Variants in PLXNA4 observed in about 807,000 individuals in gnomAD.
PLXNA4 encodes the protein plexin A4, also known as plexin-A4.
In PLXNA4, 44 loss-of-function variants were observed where a neutral mutation model predicts 191.8. The ratio of observed to expected loss-of-function variants is 0.23; its 90% confidence interval spans 0.18 to 0.29. The LOEUF is 0.29. Among genes scored for constraint, PLXNA4 ranks in the 10% least tolerant of loss-of-function variants. The probability of loss-of-function intolerance (pLI) is 1.00; values close to 1 mark genes in which losing one functional copy is unlikely to be tolerated. For missense variants in PLXNA4, 1,800 were observed against 2,488.8 expected, an observed-to-expected ratio of 0.72 and a Z score of 5.89; for synonymous variants, 1,082 against 1,009.5, an observed-to-expected ratio of 1.07 and a Z score of -1.36.
chr7:132,621,247 T>TTTTTTTTTTTTTTGTTTTTTTG (rs1803256657), intron 2 of PLXNA4, among the ~76,000 whole-genome samples: 1 of 70,588 alleles, frequency 1.4e-5, no homozygotes, highest in African/African-American at 4.4e-5. Context: ...TTTTTTTTTG[T>TTTTTTTTTTTTTTGTTTTTTTG]TTTTTTTTTT....
intron 3 of PLXNA4, among the ~76,000 whole-genome samples, chr7:132,409,694 C>A (rs2341825): frequency 0.22 from 32,991 of 152,198 alleles, 7,596 homozygotes; most frequent in African/African-American, 0.57. Flanking sequence ...TCTTTCCCAC[C>A]GTTCAGAGAA....
chr7:132,453,090 A>G (rs991186185), intron 3 of PLXNA4, among the ~76,000 whole-genome samples: 2 of 152,190 alleles, frequency 1.3e-5, no homozygotes, highest in Non-Finnish European at 2.9e-5. Flanking sequence ...CCCCAAAATG[A>G]CAAGAGAAGT....
intron 1 of PLXNA4, among the ~76,000 whole-genome samples, chr7:132,510,788 C>A (rs940034535): frequency 6.6e-6 from 1 of 152,060 alleles, no homozygotes; most frequent in Non-Finnish European, 1.5e-5. Flanking sequence ...GTCTACATAG[C>A]AGAAGCATGG....
chr7:132,435,636 G>A (rs1158443787), intron 3 of PLXNA4, among the ~76,000 whole-genome samples: 5 of 152,186 alleles, frequency 3.3e-5, no homozygotes, highest in Non-Finnish European at 7.3e-5. Context: ...GGGGTTGTCT[G>A]TGGATGTTTG....
chr7:132,258,079 T>A (rs1319214287), intron 4 of PLXNA4, among the ~76,000 whole-genome samples: 1 of 152,244 alleles, frequency 6.6e-6, no homozygotes, highest in Admixed American at 6.5e-5. Context: ...ATCTAATCTC[T>A]GCAAGACTCC....
At chr7:132,210,895 G>A (rs747117962) in intron 10 of PLXNA4, 48 bp downstream of exon 10, 9 of 1,580,720 alleles carry the variant, frequency 5.7e-6, no homozygotes, top group Non-Finnish European at 7.8e-6. Context: ...CAGTGATGTG[G>A]GTGGGACTGG....
chr7:132,299,158 A>G (rs1801214844), intron 3 of PLXNA4, among the ~76,000 whole-genome samples: 1 of 152,218 alleles, frequency 6.6e-6, no homozygotes, highest in South Asian at 2.1e-4. Flanking sequence ...ATCAGGAACA[A>G]ATATTACTGA....
chr7:132,332,474 G>A (rs1802627189), intron 3 of PLXNA4, among the ~76,000 whole-genome samples: 1 of 152,128 alleles, frequency 6.6e-6, no homozygotes, highest in Non-Finnish European at 1.5e-5. Flanking sequence ...GGGAAGGGCG[G>A]GAATCATCTA....
chr7:132,583,727 A>G (rs2116816178), intron 2 of PLXNA4, among the ~76,000 whole-genome samples: 1 of 152,142 alleles, frequency 6.6e-6, no homozygotes, highest in Admixed American at 6.5e-5. Context: ...TTCTGGCCCT[A>G]TTTTCCTGGC....
chr7:132,508,103 G>T lies in PLXNA4; in HGVS notation c.591C>A (p.Pro197=), dbSNP rs1194312034. The change falls in exon 2 of 32, where the codon CCC becomes CCA. Residue 197 remains proline, a synonymous_variant. Transcript: ENST00000321063. This position sits in a 1 kb window ranked among gnomAD's most constrained non-coding sequence, Gnocchi z 4.4. ...TAVDGKPEYF[P]TISSRKLTKN... is the part of the protein sequence containing the mutation. Reference sequence around the variant, plus strand: ...TGGTCAGTTTCCGGCTGGAGATGGTGGGAAAATACTCGGGCTTCCCATCCA... The same window carrying T: ...TGGTCAGTTTCCGGCTGGAGATGGTTGGAAAATACTCGGGCTTCCCATCCA... 3 of 1,614,214 alleles carry T rather than the reference G, an allele frequency of 1.9e-6. No individual in the cohort carries two copies. Among genetic ancestry groups the T allele is most frequent in the Non-Finnish European group, 2.5e-6 (3 of 1,180,040 alleles).
At chr7:132,381,706 T>C (rs1368136096) in intron 3 of PLXNA4, among the ~76,000 whole-genome samples, 3 of 152,196 alleles carry the variant, frequency 2.0e-5, no homozygotes, top group Non-Finnish European at 4.4e-5. Context: ...GGAGTGAATA[T>C]CAGGTGTGAT....
At chr7:132,259,650 C>T (rs1430776432) in intron 4 of PLXNA4, among the ~76,000 whole-genome samples, 3 of 151,874 alleles carry the variant, frequency 2.0e-5, no homozygotes, top group East Asian at 1.9e-4. Context: ...CCATCCACTA[C>T]CCACCAAATG....
chr7:132,427,358 G>A (rs1795084373), intron 3 of PLXNA4, among the ~76,000 whole-genome samples: 1 of 152,172 alleles, frequency 6.6e-6, no homozygotes, highest in African/African-American at 2.4e-5. Flanking sequence ...CCAAGTAGAA[G>A]ACTAGGGTCT....
chr7:132,420,293 G>A (rs1375363591), intron 3 of PLXNA4, among the ~76,000 whole-genome samples: 4 of 152,210 alleles, frequency 2.6e-5, no homozygotes, highest in Non-Finnish European at 4.4e-5. Context: ...GCCTTGAAAT[G>A]TCTCTTTGCT....
intron 9 of PLXNA4, among the ~76,000 whole-genome samples, chr7:132,217,897 C>CTTTT (rs138576612): frequency 2.3e-5 from 1 of 43,436 alleles, no homozygotes; most frequent in Non-Finnish European, 3.7e-5. Flanking sequence ...GCTGGATTTG[C>CTTTT]TTTTTTTTTT....
intron 3 of PLXNA4, among the ~76,000 whole-genome samples, chr7:132,485,362 A>G (rs184253233): frequency 5.3e-5 from 8 of 152,366 alleles, no homozygotes; most frequent in South Asian, 2.1e-4. Context: ...TCACACCTCA[A>G]GTGGAAGTTT....
rs541708645 is a variant in PLXNA4, at chr7:132,567,865, C to G, written c.-87+8557G>C. 2.0e-5 allele frequency among the ~76,000 whole-genome samples: 3 copies of G among 152,324 alleles called. No individual in the cohort carries two copies. The East Asian group carries it at 5.8e-4, about 29-fold the overall frequency. The stretch of plus-strand genomic sequence containing the variant: ...TTGAAGCAGGGGCTGACCCTACCTT[C>G]TGGGAGCTGCAACTCTCAGGCAGAA... On this transcript the variant is annotated intron_variant, in intron 1 of 31. Coordinates refer to ENST00000321063, the MANE Select transcript of PLXNA4 (RefSeq NM_020911.2).
chr7:132,440,097 C>G (rs1337801429), intron 3 of PLXNA4, among the ~76,000 whole-genome samples: 1 of 152,112 alleles, frequency 6.6e-6, no homozygotes, highest in Non-Finnish European at 1.5e-5. Context: ...ATTACATTCT[C>G]CGATTTCCCC....
chr7:132,573,688 T>A (rs1013623626), intron 1 of PLXNA4, among the ~76,000 whole-genome samples: 2 of 151,732 alleles, frequency 1.3e-5, no homozygotes, highest in African/African-American at 2.4e-5. Context: ...TGCCTTGGAG[T>A]CCTCCAGAAA....
Sources: gnomAD v4.1 joint callset for allele counts (sites outside exome capture counted in the v4.1 genomes callset) on GRCh38, gnomAD v4.1.1 for gene constraint, Gnocchi (gnomAD v3.1) non-coding constraint, MANE v1.5 for transcripts, NCBI Gene and HGNC (gene_info 2026-07-23, HGNC 2026-07-21) for gene names.